The following LRRC4C variants were observed in gnomAD, a reference collection of about 807,000 sequenced individuals.
LRRC4C encodes the protein leucine rich repeat containing 4C.
LRRC4C carries 5 observed loss-of-function variants against 33.6 expected under a neutral mutation model. The ratio of observed to expected loss-of-function variants is 0.15; its 90% CI spans 0.08 to 0.31. The LOEUF (loss-of-function observed/expected upper bound fraction) is 0.31, where lower values mean the gene tolerates loss of function less well. LRRC4C is among the 10% of genes least tolerant of loss of function. LRRC4C has a pLI of 1.00. For synonymous variants in LRRC4C, 329 were observed against 302.0 expected (o/e 1.09, Z -0.93); for missense variants, 560 against 796.7 (o/e 0.70, Z 3.58).
intron 2 of LRRC4C, among the ~76,000 whole-genome samples, chr11:40,893,143 T>G (rs2136124201): frequency 6.6e-6 from 1 of 152,210 alleles, no homozygotes; most frequent in Middle Eastern, 3.4e-3. Flanking sequence ...AAACTTCACA[T>G]GTTCTCACTC....
At chr11:40,860,569 C>A (rs1366071956) in intron 2 of LRRC4C, among the ~76,000 whole-genome samples, 1 of 152,112 alleles carries the variant, frequency 6.6e-6, no homozygotes, top group Non-Finnish European at 1.5e-5. Context: ...TGGCATAACT[C>A]CAGTCTCTGA....
intron 2 of LRRC4C, among the ~76,000 whole-genome samples, chr11:40,685,709 CAGAGA>C (rs990421812): frequency 6.6e-6 from 1 of 151,602 alleles, no homozygotes; most frequent in African/African-American, 2.4e-5. Flanking sequence ...AATATTAAAT[CAGAGA>C]AGAGAGAGAA....
At chr11:41,375,598 A>T (rs145478136) in intron 1 of LRRC4C, among the ~76,000 whole-genome samples, 1 of 152,306 alleles carries the variant, frequency 6.6e-6, no homozygotes, top group African/African-American at 2.4e-5. Context: ...CTTTACATAC[A>T]TCTATCATAA....
chr11:41,179,151 T>C (rs1945334591), intron 1 of LRRC4C, among the ~76,000 whole-genome samples: 1 of 151,334 alleles, frequency 6.6e-6, no homozygotes, highest in Admixed American at 6.6e-5. Context: ...AGATAAAACA[T>C]GTACATTTAG....
intron 2 of LRRC4C, among the ~76,000 whole-genome samples, chr11:40,748,833 A>T (rs1338043166): frequency 2.6e-5 from 4 of 152,142 alleles, no homozygotes. Context: ...GAATAGCTAT[A>T]CATATATTGA....
intron 2 of LRRC4C, among the ~76,000 whole-genome samples, chr11:40,735,484 C>T (rs1297285805): frequency 6.7e-6 from 1 of 148,600 alleles, no homozygotes; most frequent in Non-Finnish European, 1.5e-5. Context: ...CTACAAAGGA[C>T]ATGAACTCAT....
chr11:40,402,833 T>C (rs1035781795), intron 3 of LRRC4C, among the ~76,000 whole-genome samples: 7 of 152,074 alleles, frequency 4.6e-5, no homozygotes, highest in Non-Finnish European at 8.8e-5. Flanking sequence ...CTTTTACCTA[T>C]AAAGAAACAG....
intron 3 of LRRC4C, among the ~76,000 whole-genome samples, chr11:40,457,219 T>C (rs75608742): frequency 0.041 from 6,210 of 151,192 alleles, 411 homozygotes; most frequent in African/African-American, 0.14. Context: ...TGATATGAAG[T>C]AGAGAACAAT....
chr11:40,740,550 A>T (rs1948105945), intron 2 of LRRC4C, among the ~76,000 whole-genome samples: 1 of 151,920 alleles, frequency 6.6e-6, no homozygotes, highest in Non-Finnish European at 1.5e-5. Flanking sequence ...TTATCACCTC[A>T]TCAATTGTAT....
chr11:41,214,721 G>A (rs1160159190), intron 1 of LRRC4C, among the ~76,000 whole-genome samples: 1 of 148,008 alleles, frequency 6.8e-6, no homozygotes, highest in Non-Finnish European at 1.5e-5. Flanking sequence ...CTGCACTCCA[G>A]CCTGGGCGAC....
At chr11:41,119,493 A>C (rs1452036414) in intron 1 of LRRC4C, among the ~76,000 whole-genome samples, 1 of 152,186 alleles carries the variant, frequency 6.6e-6, no homozygotes, top group Non-Finnish European at 1.5e-5. Context: ...TGCCTAAACC[A>C]CTTAGGTGGC....
At chr11:40,867,978 A>G (rs1421803672) in intron 2 of LRRC4C, among the ~76,000 whole-genome samples, 1 of 152,154 alleles carries the variant, frequency 6.6e-6, no homozygotes, top group African/African-American at 2.4e-5. Context: ...ATGTTAGCTC[A>G]TGAAAAGCAG....
chr11:41,233,487 A>G (rs1947889011), intron 1 of LRRC4C, among the ~76,000 whole-genome samples: 2 of 152,064 alleles, frequency 1.3e-5, no homozygotes, highest in African/African-American at 4.8e-5. Context: ...TTAGAAAAAA[A>G]AATTTGCATT....
At chr11:40,898,554 C>T (rs1248886246) in intron 2 of LRRC4C, among the ~76,000 whole-genome samples, 4 of 151,420 alleles carry the variant, frequency 2.6e-5, no homozygotes, top group Non-Finnish European at 4.4e-5. Context: ...AACATACACA[C>T]TCACAAAAAG....
chr11:40,528,129 T>C (rs1956130626), intron 3 of LRRC4C, among the ~76,000 whole-genome samples: 1 of 152,102 alleles, frequency 6.6e-6, no homozygotes. Flanking sequence ...AAAAAACTGA[T>C]TTCTTGGATA....
intron 1 of LRRC4C, among the ~76,000 whole-genome samples, chr11:41,090,388 T>G (rs1418099879): frequency 6.6e-6 from 1 of 152,090 alleles, no homozygotes; most frequent in East Asian, 1.9e-4. Flanking sequence ...ATCTCTGTTT[T>G]CTCATTTCCT....
intron 1 of LRRC4C, among the ~76,000 whole-genome samples, chr11:41,147,076 A>G (rs937811426): frequency 2.0e-5 from 3 of 152,216 alleles, no homozygotes; most frequent in Non-Finnish European, 4.4e-5. Flanking sequence ...GCATTTTTAG[A>G]AAGTAGTGAG....
At chr11:40,626,579 C>T (rs1448858421) in intron 3 of LRRC4C, among the ~76,000 whole-genome samples, 1 of 152,070 alleles carries the variant, frequency 6.6e-6, no homozygotes, top group Non-Finnish European at 1.5e-5. Flanking sequence ...ATGTTGTTTT[C>T]CACTCTCTGC....
chr11:40,969,472 A>AAG (rs10633506), intron 1 of LRRC4C, among the ~76,000 whole-genome samples: 1 of 151,682 alleles, frequency 6.6e-6, no homozygotes, highest in African/African-American at 2.4e-5. Context: ...CAAAAAAAAA[A>AAG]AAAACTATTT....
Sources: gnomAD v4.1 joint callset for allele counts (sites outside exome capture counted in the v4.1 genomes callset) on GRCh38, gnomAD v4.1.1 for gene constraint, MANE v1.5 for transcripts, NCBI Gene and HGNC (gene_info 2026-07-23, HGNC 2026-07-21) for gene names.